The following BTK variants were observed in gnomAD, a reference collection of about 807,000 sequenced individuals.
BTK encodes tyrosine-protein kinase BTK.
In BTK, 5 loss-of-function variants were observed where a neutral mutation model predicts 57.4. That is an observed-to-expected ratio of 0.09 (90% confidence interval 0.05 to 0.18). The LOEUF (loss-of-function observed/expected upper bound fraction) is 0.18. Among genes scored for constraint, BTK ranks in the 10% least tolerant of loss-of-function variants. The probability of loss-of-function intolerance (pLI) is 1.00; values close to 1 mark genes in which losing one functional copy is unlikely to be tolerated. For synonymous variants in BTK, 154 were observed against 174.3 expected, an observed-to-expected ratio of 0.88 and a Z score of 0.92; for missense variants, 194 against 501.2, an observed-to-expected ratio of 0.39 and a Z score of 5.85.
chrX:101,365,374 C>T (rs1468769751), intron 5 of BTK, among the ~76,000 whole-genome samples: 2 of 112,257 alleles, frequency 1.8e-5, no homozygotes, highest in Non-Finnish European at 3.8e-5. Flanking sequence ...TTCCCCACCC[C>T]TAGCACACTC....
At chrX:101,357,078 A>G (rs1926508928) in intron 13 of BTK, 123 bp from the exon 14 acceptor site, 1 of 753,918 alleles carries the variant, frequency 1.3e-6, no homozygotes, top group Non-Finnish European at 2.0e-6. Context: ...AGAAGTACTA[A>G]TCTGTCTTTG....
intron 3 of BTK, among the ~76,000 whole-genome samples, chrX:101,373,612 A>G (rs782648263): frequency 2.7e-5 from 3 of 112,429 alleles, no homozygotes; most frequent in Non-Finnish European, 5.6e-5. Flanking sequence ...AACATCTGTA[A>G]GTCTATGTAC....
intron 9 of BTK, 65 bp downstream of exon 9, chrX:101,360,023 T>A (rs1926610896): frequency 4.0e-6 from 1 of 252,613 alleles, no homozygotes; most frequent in Non-Finnish European, 6.6e-6. Context: ...AATAAATAAA[T>A]ATATATATAT....
chrX:101,359,400 G>A lies in BTK; in HGVS notation c.840-53C>T, dbSNP rs377142697. On this transcript the variant is annotated intron_variant, in intron 9 of 18. Coordinates refer to ENST00000308731, the MANE Select transcript of BTK (RefSeq NM_000061.3). ...GCTCCTGGTCATAAGCAGATTGGAG[G>A]TTACAGCACCCTCCAGGGCTTGTCC... The A allele has an allele frequency of 8.0e-5, 89 of 1,109,957 alleles. No individual in the cohort carries two copies. The African/African-American group carries it at 1.5e-3, about 19-fold the overall frequency. 91.5% of individuals were successfully genotyped at this position (1,109,957 alleles called of 1,213,427 possible).
Position 101,353,110 on chromosome X carries a change from A to G in BTK, c.1908+84T>C, listed in dbSNP as rs927494490. 1.9e-5 allele frequency: 17 copies of G among 872,979 alleles called. No individual in the cohort carries two copies. In the Admixed American group the frequency reaches 4.4e-4, roughly 23 times the overall value. The allele number at this position is 872,979 out of a possible 1,213,427, so 71.9% of individuals were successfully genotyped here. A position where few individuals can be genotyped will look rare whatever the true frequency, so the allele number is the denominator to read the frequency against. ...AGGAAAAAAAAGAATGTGTGCAGCT[A>G]TCAGTCTTTGGTGGCTGAATGGCCA... is the stretch of plus-strand genomic sequence containing the variant. On this transcript the variant is annotated intron_variant, in intron 18 of 18. Transcript: ENST00000308731.
chrX:101,361,103 C>G (rs1293118360), intron 7 of BTK, among the ~76,000 whole-genome samples: 1 of 110,560 alleles, frequency 9.0e-6, no homozygotes, highest in African/African-American at 3.3e-5. Context: ...ATAGCCCCAG[C>G]TACTCAGGAG....
At chrX:101,355,559 T>TCGG in intron 15 of BTK, 2 of 132,676 alleles carry the variant, frequency 1.5e-5, no homozygotes, top group Non-Finnish European at 3.1e-5. Flanking sequence ...GGTGTAGATT[T>TCGG]TCAAGAGAAG....
At position 101,373,248 on chromosome X, in the gene BTK, GAGA is replaced by G. The variant is rs782476050; in HGVS notation, c.240+1285_240+1287del. The stretch of plus-strand genomic sequence containing the variant: ...ACCAAAGTGCACAGATTTTCTTAAA[GAGA>G]AGAACAAAATTTTACTTCTAGGAAA... On this transcript the variant is annotated intron_variant, in intron 3 of 18. Coordinates refer to ENST00000308731, the MANE Select transcript of BTK (RefSeq NM_000061.3). Among the ~76,000 whole-genome samples, 12 of 111,162 alleles carry G rather than the reference GAGA, an allele frequency of 1.1e-4. No individual in the cohort carries two copies. The South Asian group carries it at 2.7e-3, about 25-fold the overall frequency.
intron 1 of BTK, among the ~76,000 whole-genome samples, chrX:101,383,973 T>C (rs2147456840): frequency 8.9e-6 from 1 of 111,852 alleles, no homozygotes; most frequent in Non-Finnish European, 1.9e-5. Flanking sequence ...CAAGGCCTCT[T>C]TTCTAGCTTC....
chrX:101,357,976 C>T (rs1031287750), intron 12 of BTK, among the ~76,000 whole-genome samples: 6 of 111,623 alleles, frequency 5.4e-5, no homozygotes, highest in African/African-American at 1.3e-4. Context: ...ACAAGGACCT[C>T]GACTCAGAAT....
In BTK at chrX:101,353,290, A is replaced by G. The variant is rs782211137; in HGVS notation, c.1812T>C (p.Ser604=). The G allele has an allele frequency of 1.7e-6, 2 of 1,210,548 alleles. No individual in the cohort carries two copies. The highest frequency in any genetic ancestry group is 4.4e-5 in the Admixed American group (2 of 45,933). Residue 604 remains serine, a synonymous_variant, in exon 18 of 19, where the codon AGT becomes AGC. Transcript: ENST00000308731. The part of the protein sequence containing the change: ...GKMPYERFTN[S]ETAEHIAQGL... ...CTTGGGCAATGTGTTCAGCAGTCTCACTGTTAGTAAATCTCTCATATGGCA... is the reference window on the plus strand; with the variant it reads ...CTTGGGCAATGTGTTCAGCAGTCTCGCTGTTAGTAAATCTCTCATATGGCA...
upstream of BTK, among the ~76,000 whole-genome samples, chrX:101,387,003 T>G (rs1452403095): frequency 9.0e-6 from 1 of 111,580 alleles, no homozygotes; most frequent in Non-Finnish European, 1.9e-5. Context: ...CAGTATTGAA[T>G]GCAGACCATG....
intron 5 of BTK, among the ~76,000 whole-genome samples, chrX:101,364,018 A>G (rs1330251014): frequency 9.4e-6 from 1 of 106,420 alleles, no homozygotes; most frequent in African/African-American, 3.4e-5. Context: ...AGCTTCCCAA[A>G]TACCTGGGAC....
At chrX:101,367,768 C>T (rs1926907939) in intron 5 of BTK, among the ~76,000 whole-genome samples, 2 of 111,451 alleles carry the variant, frequency 1.8e-5, no homozygotes. Context: ...GCCAGTTTCT[C>T]CCTTATTTCT....
At chrX:101,353,792 G>C in intron 17 of BTK, 78 bp downstream of exon 17, 1 of 810,898 alleles carries the variant, frequency 1.2e-6, no homozygotes, top group Non-Finnish European at 1.9e-6. Context: ...TATCTCTGTG[G>C]AGGTTGCAAA....
intron 1 of BTK, among the ~76,000 whole-genome samples, chrX:101,375,610 G>A (rs1236716454): frequency 8.9e-6 from 1 of 112,369 alleles, no homozygotes. Context: ...TGCTTGGTAA[G>A]GTGTAGAGGT....
intron 5 of BTK, among the ~76,000 whole-genome samples, chrX:101,366,617 G>T (rs990581755): frequency 8.9e-6 from 1 of 111,877 alleles, no homozygotes; most frequent in Non-Finnish European, 1.9e-5. Flanking sequence ...GACTGTCCTG[G>T]GATTGTTAGG....
intron 2 of BTK, among the ~76,000 whole-genome samples, 200 bp from the exon 3 acceptor site, chrX:101,374,834 C>T (rs1218297171): frequency 9.0e-6 from 1 of 111,537 alleles, no homozygotes; most frequent in Non-Finnish European, 1.9e-5. Flanking sequence ...GAGTGAATGA[C>T]TGTATGTACC....
rs1926614540 is a variant in BTK at position 101,360,114 on chromosome X, T to C, written c.813A>G (p.Glu271=). The C allele has an allele frequency of 1.7e-6, 2 of 1,202,494 alleles. No individual in the cohort carries two copies. Among genetic ancestry groups the C allele is most frequent in the Admixed American group, 2.2e-5 (1 of 44,993 alleles). The part of the protein sequence containing the change: ...EGYIPSNYVT[E]AEDSIEMYEW... ...CATACATTTCTATGGAGTCTTCTGCTTCAGTGACATAGTTACTAGGAATGT... is the reference window on the plus strand; with the variant it reads ...CATACATTTCTATGGAGTCTTCTGCCTCAGTGACATAGTTACTAGGAATGT... The change falls in exon 9 of 19, where the codon GAA becomes GAG. Residue 271 remains glutamate, a synonymous_variant. Transcript: ENST00000308731.
Sources: gnomAD v4.1 joint callset for allele counts (sites outside exome capture counted in the v4.1 genomes callset) on GRCh38, gnomAD v4.1.1 for gene constraint, MANE v1.5 for transcripts, NCBI Gene and HGNC (gene_info 2026-07-23, HGNC 2026-07-21) for gene names.